The following PTPRG variants were observed in gnomAD, a reference collection of about 807,000 sequenced individuals.
PTPRG encodes the protein receptor-type tyrosine-protein phosphatase gamma.
A neutral mutation model predicts 165.3 loss-of-function variants in PTPRG; 102 were observed. The observed-to-expected ratio is 0.62, with a 90% CI of 0.53 to 0.73. The LOEUF is 0.73. PTPRG is among the 30% of genes least tolerant of loss of function. The pLI is 0.00. For missense variants in PTPRG, 1,866 were observed against 1,861.4 expected, an observed-to-expected ratio of 1.00 and a Z score of -0.05; for synonymous variants, 675 against 669.5, an observed-to-expected ratio of 1.01 and a Z score of -0.13.
chr3:61,748,885 A>G lies in PTPRG; in HGVS notation c.93A>G (p.Thr31=), dbSNP rs1575631051. The G allele has an allele frequency of 6.2e-7, 1 of 1,613,400 alleles. No homozygotes were observed. Among genetic ancestry groups the G allele is most frequent in the Non-Finnish European group, 8.5e-7 (1 of 1,179,954 alleles). Residue 31 remains threonine, a synonymous_variant, in exon 2 of 30, where the codon ACA becomes ACG. Coordinates refer to ENST00000474889, the MANE Select transcript of PTPRG (RefSeq NM_002841.4). The part of the protein sequence containing the change: ...LHYVVCFPAL[T]EGYVGALHEN... Reference sequence around the variant, plus strand: ...GGTTTTCCTCTCTTCCAGCGTTGACAGAAGGCTACGTTGGGGCCCTGCACG... The same window carrying G: ...GGTTTTCCTCTCTTCCAGCGTTGACGGAAGGCTACGTTGGGGCCCTGCACG...
At chr3:61,965,360 C>CTGTA (rs2040246849) in intron 2 of PTPRG, among the ~76,000 whole-genome samples, 2 of 151,060 alleles carry the variant, frequency 1.3e-5, no homozygotes, top group African/African-American at 4.9e-5. Context: ...TGCTAGTGCA[C>CTGTA]GCCTGTAATC....
At chr3:62,124,101 G>A (rs1703189031) in intron 5 of PTPRG, 1 of 523,214 alleles carries the variant, frequency 1.9e-6, no homozygotes, top group African/African-American at 1.9e-5. Flanking sequence ...CATTCAACTT[G>A]TCCTCCTTGT....
At chr3:61,597,862 T>C (rs1207295332) in intron 1 of PTPRG, among the ~76,000 whole-genome samples, 1 of 152,248 alleles carries the variant, frequency 6.6e-6, no homozygotes, top group African/African-American at 2.4e-5. Flanking sequence ...ATTTATCCTC[T>C]TAAAGCATTT....
chr3:61,959,881 A>G (rs959471497), intron 2 of PTPRG, among the ~76,000 whole-genome samples: 5 of 152,078 alleles, frequency 3.3e-5, no homozygotes, highest in Non-Finnish European at 7.4e-5. Context: ...GGTACATTGC[A>G]TTCATTTTAC....
chr3:62,011,216 A>G (rs1288380163), intron 4 of PTPRG, among the ~76,000 whole-genome samples: 1 of 152,174 alleles, frequency 6.6e-6, no homozygotes, highest in Non-Finnish European at 1.5e-5. Context: ...TAAGGAATTG[A>G]ATTGTCCGCC....
At chr3:62,069,438 T>C (rs576533534) in intron 4 of PTPRG, among the ~76,000 whole-genome samples, 18 of 152,270 alleles carry the variant, frequency 1.2e-4, no homozygotes. Flanking sequence ...TTCTCCAAGG[T>C]AGAAGCCTGT....
At chr3:62,181,496 A>G (rs981848405) in intron 8 of PTPRG, among the ~76,000 whole-genome samples, 1 of 152,046 alleles carries the variant, frequency 6.6e-6, no homozygotes, top group African/African-American at 2.4e-5. Flanking sequence ...TTTCAGTTCA[A>G]ACTATGCTCA....
intron 16 of PTPRG, among the ~76,000 whole-genome samples, chr3:62,257,038 AGGGCTGTT>A (rs1701552302): frequency 6.6e-6 from 1 of 151,216 alleles, no homozygotes; most frequent in Admixed American, 6.6e-5. Flanking sequence ...GGAAGGTGAA[AGGGCTGTT>A]GTGATTTCAC....
rs1167098029 is a variant in PTPRG at position 61,888,572 on chromosome 3, C to T, written c.191-101053C>T. On this transcript the variant is annotated intron_variant, in intron 2 of 29. Coordinates refer to ENST00000474889, the MANE Select transcript of PTPRG (RefSeq NM_002841.4). ...GGTCTCGATCTCCTGACCTTGCGAT[C>T]CGCCCGCCTTGGCCTCTCAAAGTGC... Among the ~76,000 whole-genome samples the T allele has an allele frequency of 2.0e-5, 3 of 152,132 alleles. No individual in the cohort carries two copies. The East Asian group carries it at 5.8e-4, about 29-fold the overall frequency.
intron 2 of PTPRG, among the ~76,000 whole-genome samples, chr3:61,940,868 G>T (rs2039607431): frequency 6.6e-6 from 1 of 152,022 alleles, no homozygotes; most frequent in African/African-American, 2.4e-5. Context: ...GTTTCACCGT[G>T]TTAGCCAGGA....
At chr3:62,006,698 C>T (rs1333914046) in intron 4 of PTPRG, among the ~76,000 whole-genome samples, 1 of 152,092 alleles carries the variant, frequency 6.6e-6, no homozygotes, top group Admixed American at 6.5e-5. Context: ...CCCCCCTGCA[C>T]CCTGGGACAT....
At position 61,899,027 on chromosome 3, in the gene PTPRG, G is replaced by T. The variant is rs143910594; in HGVS notation, c.191-90598G>T. ...GGGCTCAAGCGATCCTCCCACCTCA[G>T]CCTCCCAAGTCACTGGGACTATAGG... On this transcript the variant is annotated intron_variant, in intron 2 of 29. Coordinates refer to ENST00000474889, the MANE Select transcript of PTPRG (RefSeq NM_002841.4). Among the ~76,000 whole-genome samples the T allele has an allele frequency of 7.6e-3, 1,155 of 152,234 alleles. 11 individuals are homozygous for T. Among genetic ancestry groups the T allele is most frequent in the African/African-American group, 0.026 (1,060 of 41,538 alleles).
chr3:61,989,471 A>C (rs774198379), intron 2 of PTPRG, among the ~76,000 whole-genome samples, 154 bp from the exon 3 acceptor site: 3 of 152,240 alleles, frequency 2.0e-5, no homozygotes, highest in Admixed American at 6.5e-5. Flanking sequence ...TTCTTGTCAC[A>C]TCAGGCCAAT....
chr3:62,020,525 C>A (rs957304748), intron 4 of PTPRG, among the ~76,000 whole-genome samples: 3 of 152,134 alleles, frequency 2.0e-5, no homozygotes, highest in African/African-American at 7.2e-5. Context: ...GCGTGTGTTT[C>A]TCTTGCAAAC....
intron 2 of PTPRG, 55 bp from the exon 3 acceptor site, chr3:61,989,570 A>C (rs1249008578): frequency 2.0e-6 from 3 of 1,535,296 alleles, no homozygotes; most frequent in Middle Eastern, 1.8e-4. Flanking sequence ...AGATTTATTC[A>C]TTTCATCCCT....
At chr3:62,103,348 C>T (rs1004922660) in intron 5 of PTPRG, among the ~76,000 whole-genome samples, 4 of 151,386 alleles carry the variant, frequency 2.6e-5, no homozygotes, top group Non-Finnish European at 4.4e-5. Context: ...CAGCTCCCCA[C>T]CAGTGCTAAG....
chr3:62,271,644 A>T lies in PTPRG; in HGVS notation c.3182+89A>T. On this transcript the variant is annotated intron_variant, in intron 21 of 29. Coordinates refer to ENST00000474889, the MANE Select transcript of PTPRG (RefSeq NM_002841.4). The surrounding 1 kb of genome is among the most constrained non-coding windows in gnomAD (Gnocchi z 4.1). The stretch of plus-strand genomic sequence containing the variant: ...GACCACAATGATTGCTACTGCTTTC[A>T]CTTAGAAGCTGAATCTTCCACTGGA... The T allele has an allele frequency of 8.1e-7, 1 of 1,230,178 alleles. No individual in the cohort carries two copies. Among genetic ancestry groups the T allele is most frequent in the South Asian group, 1.6e-5 (1 of 61,492 alleles). 76.2% of individuals were successfully genotyped at this position (1,230,178 alleles called of 1,614,324 possible). A position where few individuals can be genotyped will look rare whatever the true frequency, so the allele number is the denominator to read the frequency against.
chr3:61,637,176 G>A (rs530784598), intron 1 of PTPRG, among the ~76,000 whole-genome samples: 22 of 152,268 alleles, frequency 1.4e-4, no homozygotes, highest in Middle Eastern at 3.4e-3. Flanking sequence ...CCTTATGTTT[G>A]TACCAGAACT....
intron 4 of PTPRG, among the ~76,000 whole-genome samples, chr3:62,049,315 A>C (rs1700397954): frequency 6.6e-6 from 1 of 152,152 alleles, no homozygotes; most frequent in Non-Finnish European, 1.5e-5. Context: ...AGTTTCTAGG[A>C]GTCTCCATTT....
Sources: allele counts gnomAD v4.1 joint callset (sites outside exome capture counted in the v4.1 genomes callset), GRCh38; gene constraint gnomAD v4.1.1; non-coding constraint Gnocchi (gnomAD v3.1); transcripts MANE v1.5; gene names NCBI Gene and HGNC (gene_info 2026-07-23, HGNC 2026-07-21).